SLC18A2: variants seen among roughly 807,000 people sequenced by gnomAD.
SLC18A2 encodes the protein synaptic vesicular amine transporter.
In SLC18A2, 33 loss-of-function variants were observed where a neutral mutation model predicts 59.2. That is an observed-to-expected ratio of 0.56 (90% CI 0.42 to 0.75). The LOEUF is 0.75. Ranked by LOEUF, SLC18A2 falls within the 30% of genes least tolerant of loss-of-function variation. The pLI, the probability that SLC18A2 is intolerant of heterozygous loss-of-function variation, is 0.00. For missense variants in SLC18A2, 569 were observed against 668.6 expected (o/e 0.85, Z 1.64); for synonymous variants, 228 against 253.5 (o/e 0.90, Z 0.95).
At chr10:117,270,591 C>A in intron 15 of SLC18A2, 128 bp downstream of exon 15, 1 of 998,042 alleles carries the variant, frequency 1.0e-6, no homozygotes, top group East Asian at 2.6e-5. Flanking sequence ...TAGTTTGTAC[C>A]ACATAGAGCA....
At chr10:117,244,733 C>T (rs887927798) in intron 3 of SLC18A2, among the ~76,000 whole-genome samples, 4 of 152,170 alleles carry the variant, frequency 2.6e-5, no homozygotes, top group Admixed American at 2.6e-4. Flanking sequence ...CTGTAGAGAG[C>T]CAAGGTGTCT....
rs1278937395 is a variant in SLC18A2 at position 117,241,511 on chromosome 10, G to A, written c.-15-168G>A. The A allele has an allele frequency of 1.0e-5, 7 of 679,188 alleles. 1 individual carries two copies. The highest frequency in any genetic ancestry group is 7.4e-5 in the South Asian group (3 of 40,808). The allele number at this position is 679,188 out of a possible 1,614,324, so 42.1% of individuals were successfully genotyped here. On this transcript the variant is annotated intron_variant, in intron 1 of 15. Transcript: ENST00000644641. The stretch of plus-strand genomic sequence containing the variant: ...CGGGCGCTCTTTCCAGGGAGCGCGG[G>A]CTCTCGTGGGGACGCGCTCGAGGCA...
rs140651395 is a variant in SLC18A2 at position 117,265,815 on chromosome 10, C to T, written c.992-918C>T. On this transcript the variant is annotated intron_variant, in intron 10 of 15. Coordinates refer to ENST00000644641, the MANE Select transcript of SLC18A2 (RefSeq NM_003054.6). ...AATAAAACTTGGATAGGAGGCCGGA[C>T]GTGGTGGCTCACGCCTGTAATCCCA... is the stretch of plus-strand genomic sequence containing the variant. 5.8e-3 allele frequency among the ~76,000 whole-genome samples: 876 copies of T among 152,272 alleles called. 6 individuals carry two copies. Among genetic ancestry groups the T allele is most frequent in the Middle Eastern group, 0.01 (3 of 294 alleles).
chr10:117,249,726 C>A (rs1844141832), intron 3 of SLC18A2, among the ~76,000 whole-genome samples: 1 of 152,188 alleles, frequency 6.6e-6, no homozygotes, highest in Non-Finnish European at 1.5e-5. Flanking sequence ...CTTCATTGAC[C>A]ATTTAGGGAC....
chr10:117,254,498 G>A lies in SLC18A2; in HGVS notation c.700+1G>A. ...GGAGGCCTGGCCATGGGGGTCTTAG[G>A]TGGGTAAGGCCCCCGTGTAGGCAAA... On this transcript the variant is annotated splice_donor_variant, in intron 6 of 15. Transcript: ENST00000644641. LOFTEE classifies it high-confidence loss of function. 6.2e-7 allele frequency: 1 copy of A among 1,600,790 alleles called. No individual in the cohort carries two copies. The highest frequency in any genetic ancestry group is 8.5e-7 in the Non-Finnish European group (1 of 1,172,670).
At chr10:117,276,058 AG>A (rs973549343) in intron 15 of SLC18A2, among the ~76,000 whole-genome samples, 2 of 151,908 alleles carry the variant, frequency 1.3e-5, no homozygotes, top group African/African-American at 4.8e-5. Context: ...TGGGAGGTTG[AG>A]GCAGGAAGAT....
rs762879329 is a variant in SLC18A2 at position 117,255,280 on chromosome 10, G to GC, written c.711dup (p.Phe238LeufsTer7). 1 of 1,614,062 alleles carries GC rather than the reference G, an allele frequency of 6.2e-7. No individual in the cohort carries two copies. The highest frequency in any genetic ancestry group is 1.1e-5 in the South Asian group (1 of 91,084). On this transcript the variant is annotated frameshift_variant, in exon 7 of 16. Transcript: ENST00000644641. LOFTEE classifies it high-confidence loss of function. ...TCCCCACTTTCTCTCCCTGCAGTGG[G>GC]CCCCCCCTTCGGGAGTGTGCTCTAT...
At chr10:117,252,144 T>A (rs1191246357) in intron 3 of SLC18A2, among the ~76,000 whole-genome samples, 1 of 129,680 alleles carries the variant, frequency 7.7e-6, no homozygotes, top group African/African-American at 3.7e-5. Flanking sequence ...ATTTTTTTTT[T>A]TTTTTTTTTT....
chr10:117,241,319 C>T (rs955869800), intron 1 of SLC18A2, 99 bp downstream of exon 1: 4 of 174,634 alleles, frequency 2.3e-5, no homozygotes, highest in Non-Finnish European at 3.6e-5. Flanking sequence ...GCTACGCGGG[C>T]GGGGCTGCGG....
rs367845421 is a variant in SLC18A2 at position 117,241,917 on chromosome 10, G to A, written c.121+103G>A. The A allele has an allele frequency of 2.4e-3, 2,890 of 1,201,548 alleles. 6 individuals carry two copies. Among genetic ancestry groups the A allele is most frequent in the Non-Finnish European group, 2.9e-3 (2,591 of 884,618 alleles). The allele number at this position is 1,201,548 out of a possible 1,614,324, so 74.4% of individuals were successfully genotyped here. ...CGGTCCCGGAGCTCCGCCAAGGCCC[G>A]GGAAAGTTGGAGAACTCGCTTTGCA... On this transcript the variant is annotated intron_variant, in intron 2 of 15. Coordinates refer to ENST00000644641, the MANE Select transcript of SLC18A2 (RefSeq NM_003054.6).
At chr10:117,273,598 T>C (rs1015326059) in intron 15 of SLC18A2, among the ~76,000 whole-genome samples, 23 of 152,206 alleles carry the variant, frequency 1.5e-4, no homozygotes, top group Admixed American at 5.9e-4. Context: ...CCGAGGCTGC[T>C]GAGATAGACC....
Position 117,270,030 on chromosome 10 carries a change from A to T in SLC18A2, c.1187-41A>T. 4 of 1,606,154 alleles carry T rather than the reference A, an allele frequency of 2.5e-6. No individual in the cohort carries two copies. The South Asian group carries it at 3.3e-5, about 13-fold the overall frequency. ...CTGATATTCGGCCCATTTTGGGTTT[A>T]CATCCGTTTTCTATACACTGTGTTC... On this transcript the variant is annotated intron_variant, in intron 13 of 15. Coordinates refer to ENST00000644641, the MANE Select transcript of SLC18A2 (RefSeq NM_003054.6).
rs532865662 is a variant in SLC18A2 at position 117,257,376 on chromosome 10, C to A, written c.896-421C>A. ...GCATTTCTAGGTATCATTAGAAATG[C>A]CCACGTATATTGCACAGTAAAACAC... On this transcript the variant is annotated intron_variant, in intron 9 of 15. Coordinates refer to ENST00000644641, the MANE Select transcript of SLC18A2 (RefSeq NM_003054.6). Among the ~76,000 whole-genome samples the A allele has an allele frequency of 4.6e-5, 7 of 152,032 alleles. No homozygotes were observed. The South Asian group carries it at 1.2e-3, about 27-fold the overall frequency.
intron 1 of SLC18A2, among the ~76,000 whole-genome samples, chr10:117,241,477 C>T (rs1421445073): frequency 2.6e-5 from 4 of 152,082 alleles, no homozygotes; most frequent in East Asian, 3.9e-4. Flanking sequence ...GGGTCCCCGA[C>T]GGCGCTCGCG....
intron 3 of SLC18A2, among the ~76,000 whole-genome samples, chr10:117,247,834 T>C (rs1565001930): frequency 6.6e-6 from 1 of 152,186 alleles, no homozygotes; most frequent in African/African-American, 2.4e-5. Context: ...CTGCTTGTTT[T>C]AACTGAAGTG....
chr10:117,257,936 C>G, intron 10 of SLC18A2, 44 bp downstream of exon 10: 1 of 1,409,900 alleles, frequency 7.1e-7, no homozygotes, highest in Non-Finnish European at 9.9e-7. Context: ...GCATTTGTCC[C>G]CAGGGCAGCC....
intron 3 of SLC18A2, among the ~76,000 whole-genome samples, chr10:117,245,888 T>C (rs1231580552): frequency 3.3e-5 from 5 of 152,180 alleles, no homozygotes; most frequent in Non-Finnish European, 7.3e-5. Flanking sequence ...ATTGAATTGA[T>C]TTCAACAATC....
chr10:117,241,999 G>C, intron 2 of SLC18A2, 185 bp downstream of exon 2: 1 of 522,912 alleles, frequency 1.9e-6, no homozygotes, highest in South Asian at 2.6e-5. Flanking sequence ...GCGTTGTGTG[G>C]CTTCGCTTTC....
At chr10:117,254,328 A>G in intron 5 of SLC18A2, 77 bp from the exon 6 acceptor site, 1 of 1,319,860 alleles carries the variant, frequency 7.6e-7, no homozygotes, top group Non-Finnish European at 1.1e-6. Context: ...GGCTGGCTGG[A>G]GAGGGAAGGC....
Sources: gnomAD v4.1 joint callset for allele counts (sites outside exome capture counted in the v4.1 genomes callset) on GRCh38, gnomAD v4.1.1 for gene constraint, MANE v1.5 for transcripts, NCBI Gene and HGNC (gene_info 2026-07-23, HGNC 2026-07-21) for gene names.